MUC12: variants seen among roughly 807,000 people sequenced by gnomAD.
MUC12 encodes the protein mucin 12, cell surface associated.
In MUC12, 172 loss-of-function variants were observed where a neutral mutation model predicts 230.8. The ratio of observed to expected loss-of-function variants is 0.75; its 90% confidence interval spans 0.66 to 0.85. MUC12 has a LOEUF of 0.85. MUC12 is among the 40% of genes least tolerant of loss of function. MUC12 has a pLI of 0.00. For synonymous variants in MUC12, 1,259 were observed against 2,401.9 expected, an observed-to-expected ratio of 0.52 and a Z score of 13.91; for missense variants, 3,506 against 5,920.6, an observed-to-expected ratio of 0.59 and a Z score of 13.38.
chr7:100,979,581 A>T lies in MUC12; in HGVS notation c.67+9892A>T, dbSNP rs1271739041. ...CAGATCGCGAGGTCAAGAGATCGAG[A>T]CCATCCTGGCCAACATGGTGAAACC... On this transcript the variant is annotated intron_variant, in intron 1 of 11. Coordinates refer to ENST00000536621, the MANE Select transcript of MUC12 (RefSeq NM_001164462.2). Among the ~76,000 whole-genome samples, 6 of 152,192 alleles carry T rather than the reference A, an allele frequency of 3.9e-5. No homozygotes were observed. The East Asian group carries it at 1.2e-3, about 29-fold the overall frequency.
chr7:101,004,806 CA>C lies in MUC12; in HGVS notation c.14244del (p.Asp4749ThrfsTer9). ...STILYSSSRS[P>X]DQTLSPASMT... is the part of the protein sequence containing the mutation. ...ATCCTTTACAGTAGCTCCAGATCACCAGACCAAACACTCTCACCTGCCAGCA... is the reference window on the plus strand; with the variant it reads ...ATCCTTTACAGTAGCTCCAGATCACCGACCAAACACTCTCACCTGCCAGCA... On this transcript the variant is annotated frameshift_variant, in exon 2 of 12. Transcript: ENST00000536621. LOFTEE classifies it high-confidence loss of function. 1.3e-6 allele frequency: 2 copies of C among 1,537,646 alleles called. No homozygotes were observed. The highest frequency in any genetic ancestry group is 2.4e-5 in the South Asian group (2 of 84,054).
Position 100,991,349 on chromosome 7 carries a change from A to T in MUC12, c.786A>T (p.Thr262=). The change falls in exon 2 of 12, where the codon ACA becomes ACT. Residue 262 remains threonine (T), a synonymous_variant. Transcript: ENST00000536621. ...VHSSTGSPHT[T]LSPSSSTTHE... ...GCAGCACTGGATCGCCACACACAAC[A>T]CTGTCCCCTTCCAGCTCTACAACCC... 6.5e-7 allele frequency: 1 copy of T among 1,537,536 alleles called. No individual in the cohort carries two copies. Among genetic ancestry groups the T allele is most frequent in the Non-Finnish European group, 8.7e-7 (1 of 1,146,990 alleles).
In MUC12 at chr7:101,004,701, C is replaced by A. The variant is rs1303298370; in HGVS notation, c.14138C>A (p.Thr4713Asn). 2 of 1,537,772 alleles carry A rather than the reference C, an allele frequency of 1.3e-6. No individual in the cohort carries two copies. Among genetic ancestry groups the A allele is most frequent in the Admixed American group, 3.9e-5 (2 of 50,980 alleles). The change falls in exon 2 of 12, where the codon ACC (threonine) becomes AAC (asparagine). Residue 4713 changes from threonine (T) to asparagine (N), a missense_variant. Coordinates refer to ENST00000536621, the MANE Select transcript of MUC12 (RefSeq NM_001164462.2). Reference sequence around the variant, plus strand: ...TCAGGCCGCATTGCAGAATCTACCACCTTCTATATCTCTCCAGGCTCAATG... The same window carrying A: ...TCAGGCCGCATTGCAGAATCTACCAACTTCTATATCTCTCCAGGCTCAATG... ...TTSGRIAEST[T>N]FYISPGSMET...
Position 101,017,636 on chromosome 7 carries a change from C to G in MUC12, c.15939C>G (p.Thr5313=), listed in dbSNP as rs746859060. Residue 5313 remains threonine, a synonymous_variant, in exon 11 of 12, where the codon ACC becomes ACG. Coordinates refer to ENST00000536621, the MANE Select transcript of MUC12 (RefSeq NM_001164462.2). ...ACGCCTACAACAACTTCCGGCCCAC[C>G]CTGGAGACTGTTGACTCTGGCACAG... ...LENAYNNFRP[T]LETVDSGTEL... 1.2e-5 allele frequency: 19 copies of G among 1,536,000 alleles called. No individual in the cohort carries two copies. The highest frequency in any genetic ancestry group is 8.3e-5 in the South Asian group (7 of 84,050).
chr7:100,991,168 C>G lies in MUC12; in HGVS notation c.605C>G (p.Ser202Cys), dbSNP rs1345166915. ...ESTASHSIPG[S>C]TDTTLSPGTT... The stretch of plus-strand genomic sequence containing the variant: ...ACAGCTTCCCACAGCATCCCCGGCT[C>G]CACAGACACAACACTGTCCCCTGGC... The change falls in exon 2 of 12, where the codon TCC becomes TGC. Residue 202 changes from serine to cysteine, a missense_variant. Coordinates refer to ENST00000536621, the MANE Select transcript of MUC12 (RefSeq NM_001164462.2). The G allele has an allele frequency of 6.5e-7, 1 of 1,537,678 alleles. No individual in the cohort carries two copies. The highest frequency in any genetic ancestry group is 2.0e-5 in the Admixed American group (1 of 50,998).
chr7:100,990,479 C>A, intron 1 of MUC12, 152 bp from the exon 2 acceptor site: 1 of 892,958 alleles, frequency 1.1e-6, no homozygotes, highest in Non-Finnish European at 1.7e-6. Context: ...GTTCAACTGA[C>A]ACTTCCTATG....
In MUC12 at chr7:101,008,815, A is replaced by G. The variant is rs1793797054; in HGVS notation, c.15186+54A>G. 9 of 1,505,798 alleles carry G rather than the reference A, an allele frequency of 6.0e-6. No individual in the cohort carries two copies. The Admixed American group carries it at 1.5e-4, about 25-fold the overall frequency. The allele number at this position is 1,505,798 out of a possible 1,614,324, so 93.3% of individuals were successfully genotyped here. ...AGGGTGATGTCCCACGTGAGAGGAA[A>G]TTGGGGGGTGCACCCCAACTTAGTG... is the stretch of plus-strand genomic sequence containing the variant. On this transcript the variant is annotated intron_variant, in intron 4 of 11. Coordinates refer to ENST00000536621, the MANE Select transcript of MUC12 (RefSeq NM_001164462.2).
At position 100,991,408 on chromosome 7, in the gene MUC12, C is replaced by G. The variant is rs1015213096; in HGVS notation, c.845C>G (p.Pro282Arg). The change falls in exon 2 of 12, where the codon CCA becomes CGA. Residue 282 changes from proline to arginine, a missense_variant. Coordinates refer to ENST00000536621, the MANE Select transcript of MUC12 (RefSeq NM_001164462.2). ...EGEPTTFQSW[P>R]SSKDTSPAPS... ...GAACCTACCACCTTCCAGAGCTGGC[C>G]AAGCTCAAAGGACACTTCGCCTGCA... 7 of 1,537,702 alleles carry G rather than the reference C, an allele frequency of 4.6e-6. No homozygotes were observed. The African/African-American group carries it at 8.2e-5, about 18-fold the overall frequency.
chr7:100,992,518 C>T lies in MUC12; in HGVS notation c.1955C>T (p.Ser652Leu), dbSNP rs1459418768. 2 of 1,537,970 alleles carry T rather than the reference C, an allele frequency of 1.3e-6. No individual in the cohort carries two copies. The highest frequency in any genetic ancestry group is 2.7e-5 in the African/African-American group (2 of 73,172). ...AGGCCTGCACCTCCTACTACCACAT[C>T]AGCCTTTGTTGAGCCATCTACAACC... is the stretch of plus-strand genomic sequence containing the variant. ...DTRPAPPTTT[S>L]AFVEPSTTSH... Residue 652 changes from serine to leucine, a missense_variant, in exon 2 of 12, where the codon TCA (serine) becomes TTA (leucine). Transcript: ENST00000536621.
chr7:101,008,947 G>A, intron 4 of MUC12, 148 bp from the exon 5 acceptor site: 1 of 1,230,004 alleles, frequency 8.1e-7, no homozygotes, highest in South Asian at 1.5e-5. Flanking sequence ...CCCACATTAT[G>A]GCAGAGGGAG....
chr7:100,970,051 G>T (rs1369163839), intron 1 of MUC12, among the ~76,000 whole-genome samples: 1 of 152,306 alleles, frequency 6.6e-6, no homozygotes, highest in Non-Finnish European at 1.5e-5. Context: ...CTGCTGGAGG[G>T]ATGGGTCTTT....
intron 9 of MUC12, chr7:101,015,414 A>T: frequency 1.7e-6 from 1 of 579,402 alleles, no homozygotes; most frequent in Non-Finnish European, 3.1e-6. Flanking sequence ...AGTGAGGGGC[A>T]GCCAGGAGGC....
chr7:100,980,648 G>A (rs1202665251), intron 1 of MUC12, among the ~76,000 whole-genome samples: 1 of 152,212 alleles, frequency 6.6e-6, no homozygotes, highest in African/African-American at 2.4e-5. Context: ...CAGCAGCTGG[G>A]TGTGGTGGCT....
intron 1 of MUC12, among the ~76,000 whole-genome samples, chr7:100,970,344 A>G (rs887972613): frequency 3.3e-5 from 5 of 151,764 alleles, no homozygotes; most frequent in Admixed American, 2.0e-4. Flanking sequence ...AAAATTAACC[A>G]GGCATGGTGG....
intron 1 of MUC12, among the ~76,000 whole-genome samples, chr7:100,977,338 T>C (rs1793047774): frequency 6.6e-6 from 1 of 151,438 alleles, no homozygotes; most frequent in Non-Finnish European, 1.5e-5. Flanking sequence ...CTTCAAACTC[T>C]CTAGAGGAAG....
Position 101,004,773 on chromosome 7 carries a change from A to T in MUC12, c.14210A>T (p.Lys4737Ile), listed in dbSNP as rs1465052394. 1.3e-6 allele frequency: 2 copies of T among 1,537,726 alleles called. No homozygotes were observed. The highest frequency in any genetic ancestry group is 1.7e-6 in the Non-Finnish European group (2 of 1,146,986). ...STATTPGLSA[K>I]STILYSSSRS... ...GCCACAACACCAGGCCTCAGTGCAA[A>T]ATCTACCATCCTTTACAGTAGCTCC... Residue 4737 changes from lysine to isoleucine, a missense_variant, in exon 2 of 12, where the codon AAA (lysine) becomes ATA (isoleucine). By Grantham distance (102) the Lys-to-Ile change is moderately radical (BLOSUM62 -3). Transcript: ENST00000536621.
At chr7:101,011,828 G>C (rs948548185) in intron 5 of MUC12, among the ~76,000 whole-genome samples, 1 of 152,158 alleles carries the variant, frequency 6.6e-6, no homozygotes. Flanking sequence ...TTTGGCTATG[G>C]TAAATAATGC....
At chr7:101,015,790 C>T (rs1793907931) in intron 10 of MUC12, 99 bp downstream of exon 10, 4 of 1,095,788 alleles carry the variant, frequency 3.7e-6, no homozygotes, top group Admixed American at 2.2e-5. Context: ...TCCAGCCCCC[C>T]TTTGGGGTGG....
rs1409475122 is a variant in MUC12 at position 100,990,791 on chromosome 7, C to T, written c.228C>T (p.Gly76=). Residue 76 remains glycine (G), a synonymous_variant, in exon 2 of 12, where the codon GGC becomes GGT. Transcript: ENST00000536621. ...TCCTTGACAGCTCCACAAACTCAGG[C>T]CACAGTGAGGAATCAACAGTATCCC... The part of the protein sequence containing the change: ...KHFLDSSTNS[G]HSEESTVSHS... 6.5e-7 allele frequency: 1 copy of T among 1,537,810 alleles called. No individual in the cohort carries two copies. Among genetic ancestry groups the T allele is most frequent in the South Asian group, 1.2e-5 (1 of 84,062 alleles).
Sources: gnomAD v4.1 joint callset for allele counts (sites outside exome capture counted in the v4.1 genomes callset) on GRCh38, gnomAD v4.1.1 for gene constraint, MANE v1.5 for transcripts, NCBI Gene and HGNC (gene_info 2026-07-23, HGNC 2026-07-21) for gene names.